FNDC3A: variants seen among roughly 807,000 people sequenced by gnomAD.
FNDC3A encodes the protein fibronectin type III domain containing 3A, also known as fibronectin type-III domain-containing protein 3A.
Under a neutral mutation model 148.9 loss-of-function variants are expected in FNDC3A, and 32 were observed. The ratio of observed to expected loss-of-function variants is 0.21; its 90% CI spans 0.16 to 0.29. The LOEUF is 0.29. Ranked by LOEUF, FNDC3A falls within the 10% of genes least tolerant of loss-of-function variation. The pLI, the probability that FNDC3A is intolerant of heterozygous loss-of-function variation, is 1.00. For synonymous variants in FNDC3A, 472 were observed against 473.6 expected, an observed-to-expected ratio of 1.00 and a Z score of 0.04; for missense variants, 1,191 against 1,452.8, an observed-to-expected ratio of 0.82 and a Z score of 2.93.
At chr13:49,078,763 G>A (rs1395171526) in intron 3 of FNDC3A, among the ~76,000 whole-genome samples, 2 of 152,130 alleles carry the variant, frequency 1.3e-5, no homozygotes, top group African/African-American at 4.8e-5. Context: ...GACTAGCTCT[G>A]GATCTAGGCA....
chr13:49,115,887 T>G (rs1880921765), intron 4 of FNDC3A, among the ~76,000 whole-genome samples: 1 of 152,188 alleles, frequency 6.6e-6, no homozygotes, highest in Admixed American at 6.5e-5. Context: ...CCTCTAAAAA[T>G]TTGGTACCAC....
chr13:49,186,783 G>A (rs555526421), intron 15 of FNDC3A, among the ~76,000 whole-genome samples: 49 of 152,228 alleles, frequency 3.2e-4, no homozygotes, highest in Non-Finnish European at 1.6e-4. Flanking sequence ...CAGGAGAATC[G>A]CTTGAACCCA....
At chr13:49,171,709 C>T (rs924076246) in intron 10 of FNDC3A, among the ~76,000 whole-genome samples, 4 of 152,126 alleles carry the variant, frequency 2.6e-5, no homozygotes, top group Admixed American at 2.0e-4. Context: ...ATACAAATGA[C>T]AGGATCAATC....
chr13:49,188,677 G>A, intron 17 of FNDC3A, 44 bp downstream of exon 17: 1 of 1,274,508 alleles, frequency 7.8e-7, no homozygotes, highest in South Asian at 1.2e-5. Flanking sequence ...ATTAAGTTTG[G>A]CCAAATGGGG....
chr13:49,129,077 C>A (rs991999481), intron 4 of FNDC3A, among the ~76,000 whole-genome samples: 8 of 152,176 alleles, frequency 5.3e-5, no homozygotes, highest in African/African-American at 1.9e-4. Context: ...AGTGTGGGTT[C>A]CCCACAAATA....
At chr13:49,020,313 G>T (rs1018936567) in intron 2 of FNDC3A, among the ~76,000 whole-genome samples, 5 of 152,082 alleles carry the variant, frequency 3.3e-5, no homozygotes, top group Admixed American at 3.3e-4. Context: ...AGGTAAAATT[G>T]GTGAACAAGT....
At chr13:49,125,036 G>A (rs1881608173) in intron 4 of FNDC3A, among the ~76,000 whole-genome samples, 1 of 152,130 alleles carries the variant, frequency 6.6e-6, no homozygotes, top group South Asian at 2.1e-4. Context: ...GGTAATGAGA[G>A]GGTGCCTAAC....
chr13:49,011,755 C>T (rs1952350748), intron 2 of FNDC3A, among the ~76,000 whole-genome samples: 1 of 152,042 alleles, frequency 6.6e-6, no homozygotes, highest in Admixed American at 6.5e-5. Flanking sequence ...CATGATTATG[C>T]CACTGTACTC....
chr13:49,058,840 A>T (rs1876446485), intron 2 of FNDC3A, among the ~76,000 whole-genome samples: 1 of 152,160 alleles, frequency 6.6e-6, no homozygotes, highest in Non-Finnish European at 1.5e-5. Flanking sequence ...TATTTATTTC[A>T]CACCATTCAG....
At position 49,131,151 on chromosome 13, in the gene FNDC3A, T is replaced by C; in HGVS notation, c.267T>C (p.Asn89=). Residue 89 remains asparagine, a synonymous_variant, in exon 5 of 26, where the codon AAT becomes AAC. Coordinates refer to ENST00000492622, the MANE Select transcript of FNDC3A (RefSeq NM_001079673.2). ...PGYAPQVIED[N]GVRRVVVVPQ... is the part of the protein sequence containing the mutation. ...TCATTTTGTAGGTTATTGAAGACAA[T>C]GGTGTTCGAAGAGTTGTCGTGGTCC... 6.2e-7 allele frequency: 1 copy of C among 1,611,576 alleles called. No homozygotes were observed. Among genetic ancestry groups the C allele is most frequent in the Non-Finnish European group, 8.5e-7 (1 of 1,177,664 alleles).
At chr13:49,047,393 A>G (rs1593515466) in intron 2 of FNDC3A, among the ~76,000 whole-genome samples, 1 of 152,180 alleles carries the variant, frequency 6.6e-6, no homozygotes. Flanking sequence ...GGGGATCTCC[A>G]TGCTGTTTTC....
At chr13:49,066,705 T>A (rs187216710) in intron 2 of FNDC3A, among the ~76,000 whole-genome samples, 39 of 152,146 alleles carry the variant, frequency 2.6e-4, no homozygotes, top group Non-Finnish European at 3.4e-4. Flanking sequence ...CTTTTTTTTT[T>A]AATATATACT....
intron 1 of FNDC3A, among the ~76,000 whole-genome samples, chr13:48,980,839 A>G (rs1448863702): frequency 6.6e-6 from 1 of 152,118 alleles, no homozygotes; most frequent in African/African-American, 2.4e-5. Context: ...TTTTTTCATT[A>G]AGCAGGCATC....
At chr13:49,030,086 A>G (rs1873997317) in intron 2 of FNDC3A, among the ~76,000 whole-genome samples, 1 of 152,172 alleles carries the variant, frequency 6.6e-6, no homozygotes, top group African/African-American at 2.4e-5. Context: ...AGACATTGCA[A>G]GAAAACCACA....
At chr13:49,161,398 T>C (rs1471420479) in intron 8 of FNDC3A, among the ~76,000 whole-genome samples, 1 of 152,188 alleles carries the variant, frequency 6.6e-6, no homozygotes, top group African/African-American at 2.4e-5. Flanking sequence ...TAAAGTCGGT[T>C]TTATTGGAGA....
chr13:49,175,394 C>T lies in FNDC3A; in HGVS notation c.1383C>T (p.Tyr461=), dbSNP rs200970874. The change falls in exon 13 of 26, where the codon TAC becomes TAT. Residue 461 remains tyrosine, a synonymous_variant. Transcript: ENST00000492622. The part of the protein sequence containing the change: ...TSGFSEEVLY[Y]TSGCAPSMPA... ...GTTTTAGTGAAGAAGTCTTATATTACACCTCAGGCTGTGCTCCTTCTATGC... is the reference window on the plus strand; with the variant it reads ...GTTTTAGTGAAGAAGTCTTATATTATACCTCAGGCTGTGCTCCTTCTATGC... The T allele has an allele frequency of 2.3e-5, 36 of 1,595,586 alleles. No individual in the cohort carries two copies. In the African/African-American group the frequency reaches 4.6e-4, roughly 20 times the overall value.
intron 3 of FNDC3A, among the ~76,000 whole-genome samples, chr13:49,105,849 C>A (rs567673017): frequency 1.8e-4 from 28 of 152,064 alleles, no homozygotes; most frequent in African/African-American, 6.5e-4. Flanking sequence ...AATGGTTGTA[C>A]CATATACTTA....
chr13:49,084,592 G>A (rs954137003), intron 3 of FNDC3A, among the ~76,000 whole-genome samples: 11 of 152,154 alleles, frequency 7.2e-5, no homozygotes, highest in South Asian at 2.1e-4. Context: ...GACTCTTTGT[G>A]TAGAAAAAGT....
chr13:49,044,071 G>T (rs969451149), intron 2 of FNDC3A: 16 of 171,644 alleles, frequency 9.3e-5, no homozygotes, highest in African/African-American at 3.8e-4. Context: ...TAGCAGACTG[G>T]TTTCCATATC....
Sources: gnomAD v4.1 joint callset for allele counts (sites outside exome capture counted in the v4.1 genomes callset) on GRCh38, gnomAD v4.1.1 for gene constraint, MANE v1.5 for transcripts, NCBI Gene and HGNC (gene_info 2026-07-23, HGNC 2026-07-21) for gene names.